The following SMIM14 variants were observed in gnomAD, a reference collection of about 807,000 sequenced individuals.
The protein encoded by SMIM14 is small integral membrane protein 14.
A neutral mutation model predicts 12.6 loss-of-function variants in SMIM14; 5 were observed. That is an observed-to-expected ratio of 0.40 (90% CI 0.21 to 0.83). The LOEUF is 0.83. Ranked by LOEUF, SMIM14 falls within the 40% of genes least tolerant of loss-of-function variation. The pLI is 0.37. For synonymous variants in SMIM14, 30 were observed against 40.1 expected (o/e 0.75, Z 0.95); for missense variants, 86 against 119.1 (o/e 0.72, Z 1.29).
intron 2 of SMIM14, among the ~76,000 whole-genome samples, chr4:39,587,660 C>T (rs1447846261): frequency 2.0e-5 from 3 of 152,020 alleles, no homozygotes; most frequent in East Asian, 3.9e-4. Flanking sequence ...AATCCTAACA[C>T]TTTGGGAGGT....
At chr4:39,592,375 T>C (rs1714149048) in intron 2 of SMIM14, among the ~76,000 whole-genome samples, 1 of 151,748 alleles carries the variant, frequency 6.6e-6, no homozygotes, top group South Asian at 2.1e-4. Flanking sequence ...AGTGCTGAGA[T>C]TATGAGCATG....
intron 1 of SMIM14, among the ~76,000 whole-genome samples, chr4:39,614,579 C>T (rs1715152970): frequency 6.6e-6 from 1 of 152,098 alleles, no homozygotes. Flanking sequence ...GCCTCAACCT[C>T]CCAAAGTGCT....
rs541334063 is a variant in SMIM14, at chr4:39,548,536, G to C, written c.*3590C>G. On this transcript the variant is annotated 3_prime_UTR_variant, in exon 5 of 5. Transcript: ENST00000295958. The stretch of plus-strand genomic sequence containing the variant: ...AATGGCATTTGTGGAATGTGTTTAA[G>C]AGCCAAAACTGTGAAAATGTAAGCT... 1 of 152,204 alleles carries C rather than the reference G, an allele frequency of 6.6e-6. No individual in the cohort carries two copies. Among genetic ancestry groups the C allele is most frequent in the South Asian group, 2.1e-4 (1 of 4,832 alleles). The allele number at this position is 152,204 out of a possible 1,614,324, so 9.4% of individuals were successfully genotyped here.
chr4:39,631,654 G>A (rs1332047928), intron 1 of SMIM14, among the ~76,000 whole-genome samples: 3 of 108,290 alleles, frequency 2.8e-5, no homozygotes, highest in Admixed American at 1.1e-4. Flanking sequence ...GCGAGACTCC[G>A]TCTCAAAAAA....
At chr4:39,594,632 G>A (rs1479723695) in intron 2 of SMIM14, 1 of 148,000 alleles carries the variant, frequency 6.8e-6, no homozygotes, top group African/African-American at 2.5e-5. Flanking sequence ...CAAAATGGGA[G>A]AAAATTTTTG....
intron 2 of SMIM14, among the ~76,000 whole-genome samples, chr4:39,591,597 G>T (rs7673134): frequency 0.25 from 37,752 of 151,700 alleles, 5,133 homozygotes; most frequent in East Asian, 0.39. Context: ...CCTCTGTCAC[G>T]CAGGATGGAG....
chr4:39,632,941 G>T (rs1302590264), intron 1 of SMIM14, among the ~76,000 whole-genome samples: 1 of 151,774 alleles, frequency 6.6e-6, no homozygotes, highest in Non-Finnish European at 1.5e-5. Context: ...CTAAGCATAT[G>T]CAAGTATGTA....
chr4:39,551,907 T>A lies in SMIM14; in HGVS notation c.*219A>T. 1 of 367,294 alleles carries A rather than the reference T, an allele frequency of 2.7e-6. No individual in the cohort carries two copies. The highest frequency in any genetic ancestry group is 4.3e-5 in the East Asian group (1 of 23,276). 22.8% of individuals were successfully genotyped at this position (367,294 alleles called of 1,614,324 possible). Reference sequence around the variant, plus strand: ...AGCCCCATGTAACTTTTTAAAAATATAATCATTCACTCAAATATACTGTAA... The same window carrying A: ...AGCCCCATGTAACTTTTTAAAAATAAAATCATTCACTCAAATATACTGTAA... On this transcript the variant is annotated 3_prime_UTR_variant, in exon 5 of 5. Coordinates refer to ENST00000295958, the MANE Select transcript of SMIM14 (RefSeq NM_174921.3).
At chr4:39,600,971 C>T (rs984055241) in intron 2 of SMIM14, among the ~76,000 whole-genome samples, 1 of 151,694 alleles carries the variant, frequency 6.6e-6, no homozygotes, top group African/African-American at 2.4e-5. Flanking sequence ...AATGTATATT[C>T]AGGGCAACTT....
At chr4:39,573,126 G>A (rs979003612) in intron 2 of SMIM14, among the ~76,000 whole-genome samples, 2 of 148,626 alleles carry the variant, frequency 1.3e-5, no homozygotes, top group African/African-American at 5.0e-5. Flanking sequence ...ATTTAGTTTC[G>A]CTCTTGTTGC....
chr4:39,572,821 T>TAA (rs555089641), intron 2 of SMIM14, among the ~76,000 whole-genome samples: 5 of 147,652 alleles, frequency 3.4e-5, no homozygotes, highest in Non-Finnish European at 6.0e-5. Flanking sequence ...GACCTTGTCT[T>TAA]AAAAAAAAAA....
Position 39,551,506 on chromosome 4 carries a change from T to C in SMIM14, c.*620A>G, listed in dbSNP as rs1027236043. 6 of 152,592 alleles carry C rather than the reference T, an allele frequency of 3.9e-5. No individual in the cohort carries two copies. The highest frequency in any genetic ancestry group is 1.4e-4 in the African/African-American group (6 of 41,428). The allele number at this position is 152,592 out of a possible 1,614,324, so 9.5% of individuals were successfully genotyped here. ...ATAAAATTAGTAAACAACCATTTCA[T>C]TTTTTCTCTCTTCCTATTCTAGCCA... On this transcript the variant is annotated 3_prime_UTR_variant, in exon 5 of 5. Transcript: ENST00000295958.
chr4:39,563,344 G>A (rs1292679824), intron 3 of SMIM14, among the ~76,000 whole-genome samples: 1 of 152,144 alleles, frequency 6.6e-6, no homozygotes, highest in Non-Finnish European at 1.5e-5. Flanking sequence ...TTACAGGCAT[G>A]AGCCACCGCC....
intron 1 of SMIM14, among the ~76,000 whole-genome samples, chr4:39,609,330 C>G (rs1714938597): frequency 6.6e-6 from 1 of 151,990 alleles, no homozygotes; most frequent in Admixed American, 6.6e-5. Context: ...AATCATATCT[C>G]AAAAAAGCTG....
intron 2 of SMIM14, among the ~76,000 whole-genome samples, chr4:39,599,460 C>T (rs952981901): frequency 6.6e-6 from 1 of 151,974 alleles, no homozygotes. Context: ...TTGGGGGTAG[C>T]AAGAGGGCAG....
chr4:39,580,179 TTTA>T (rs146491231), intron 2 of SMIM14, among the ~76,000 whole-genome samples: 18 of 151,328 alleles, frequency 1.2e-4, no homozygotes, highest in Non-Finnish European at 1.9e-4. Context: ...TGTGTGTGGT[TTTA>T]TTATTATTAT....
chr4:39,619,642 AAATAT>A (rs1372291209), intron 1 of SMIM14, among the ~76,000 whole-genome samples: 296 of 92,820 alleles, frequency 3.2e-3, no homozygotes, highest in African/African-American at 0.021. Flanking sequence ...ATATATCAAT[AAATAT>A]AATTTATTCT....
intron 1 of SMIM14, among the ~76,000 whole-genome samples, chr4:39,631,791 T>G (rs956958488): frequency 1.3e-5 from 2 of 152,242 alleles, no homozygotes; most frequent in African/African-American, 4.8e-5. Context: ...TTTTATTAGC[T>G]ATTAAATTTT....
At chr4:39,575,846 C>T (rs1257107966) in intron 2 of SMIM14, among the ~76,000 whole-genome samples, 3 of 151,284 alleles carry the variant, frequency 2.0e-5, no homozygotes, top group African/African-American at 7.3e-5. Context: ...CCACCCGCCT[C>T]AGCCTCCCAA....
Sources: gnomAD v4.1 joint callset for allele counts (sites outside exome capture counted in the v4.1 genomes callset) on GRCh38, gnomAD v4.1.1 for gene constraint, MANE v1.5 for transcripts, NCBI Gene and HGNC (gene_info 2026-07-23, HGNC 2026-07-21) for gene names.